The following TENM2 variants were observed in gnomAD, a reference collection of about 807,000 sequenced individuals.
The protein encoded by TENM2 is teneurin-2.
A neutral mutation model predicts 245.2 loss-of-function variants in TENM2; 52 were observed. The ratio of observed to expected loss-of-function variants is 0.21; its 90% CI spans 0.17 to 0.27. The LOEUF (loss-of-function observed/expected upper bound fraction) is 0.27, where lower values mean the gene tolerates loss of function less well. TENM2 is among the 10% of genes least tolerant of loss of function. TENM2 has a pLI of 1.00. For synonymous variants in TENM2, 1,363 were observed against 1,438.9 expected, an observed-to-expected ratio of 0.95 and a Z score of 1.19; for missense variants, 3,046 against 3,666.8, an observed-to-expected ratio of 0.83 and a Z score of 4.37.
chr5:167,407,332 CA>C (rs1380995474), intron 2 of TENM2, among the ~76,000 whole-genome samples: 2 of 152,078 alleles, frequency 1.3e-5, no homozygotes, highest in African/African-American at 4.8e-5. Context: ...GCATCTTTAG[CA>C]AACTAGAACA....
chr5:167,281,233 G>A (rs879736646), upstream of TENM2, among the ~76,000 whole-genome samples: 2 of 150,202 alleles, frequency 1.3e-5, no homozygotes, highest in Non-Finnish European at 3.0e-5. Context: ...TCAGCATCTT[G>A]AGTAGCTGGG....
chr5:167,384,539 A>T (rs1378167245), intron 2 of TENM2, among the ~76,000 whole-genome samples: 1 of 152,174 alleles, frequency 6.6e-6, no homozygotes, highest in Non-Finnish European at 1.5e-5. Flanking sequence ...AGATGAATAG[A>T]TGTGTAGCAA....
At chr5:167,437,476 T>C (rs1764630421) in intron 2 of TENM2, among the ~76,000 whole-genome samples, 2 of 152,150 alleles carry the variant, frequency 1.3e-5, no homozygotes, top group African/African-American at 4.8e-5. Context: ...AGATGAGACT[T>C]TGGACTTGTG....
At position 167,332,209 on chromosome 5, in the gene TENM2, T is replaced by C. The variant is rs143430928; in HGVS notation, c.227-42989T>C. ...GTCCAAAGTGTTGGGGCATTCACTTTCGTGGCCTCGGCAGTACCGTTTGTC... is the reference window on the plus strand; with the variant it reads ...GTCCAAAGTGTTGGGGCATTCACTTCCGTGGCCTCGGCAGTACCGTTTGTC... On this transcript the variant is annotated intron_variant, in intron 1 of 28. Transcript: ENST00000518659. 2.4e-4 allele frequency among the ~76,000 whole-genome samples: 37 copies of C among 152,352 alleles called. No homozygotes were observed. In the East Asian group the frequency reaches 7.1e-3, roughly 29 times the overall value.
intron 2 of TENM2, among the ~76,000 whole-genome samples, chr5:167,398,621 G>A (rs531906594): frequency 1.3e-5 from 2 of 152,044 alleles, no homozygotes; most frequent in African/African-American, 4.8e-5. Flanking sequence ...GGTATTTTTA[G>A]TAGAGATAGG....
intron 5 of TENM2, among the ~76,000 whole-genome samples, chr5:168,035,696 G>A (rs895761696): frequency 2.6e-5 from 4 of 152,110 alleles, no homozygotes; most frequent in Non-Finnish European, 2.9e-5. Flanking sequence ...TGAGGGCACC[G>A]ATTCAAAGGC....
chr5:166,994,871 A>G, the TENM2 span, among the ~76,000 whole-genome samples: 1 of 152,172 alleles, frequency 6.6e-6, no homozygotes, highest in East Asian at 1.9e-4. Flanking sequence ...CTCATGTCAG[A>G]TCAAGCACTA....
At chr5:167,445,311 TTA>T (rs755614167) in intron 2 of TENM2, among the ~76,000 whole-genome samples, 6,003 of 69,600 alleles carry the variant, frequency 0.086, 279 homozygotes, top group Non-Finnish European at 0.1. Flanking sequence ...AACCATATGA[TTA>T]TATATATATA....
Position 167,363,693 on chromosome 5 carries a change from T to C in TENM2, c.227-11505T>C, listed in dbSNP as rs571207181. On this transcript the variant is annotated intron_variant, in intron 1 of 28. Transcript: ENST00000518659. ...TTGCAGTGAGACGAGATTGGGCCATTGTACTCCAGCCTGGGCAACCAAGCG... is the reference window on the plus strand; with the variant it reads ...TTGCAGTGAGACGAGATTGGGCCATCGTACTCCAGCCTGGGCAACCAAGCG... Among the ~76,000 whole-genome samples, 20 of 128,540 alleles carry C rather than the reference T, an allele frequency of 1.6e-4. No individual in the cohort carries two copies. The East Asian group carries it at 4.5e-3, about 29-fold the overall frequency. 84.3% of individuals were successfully genotyped at this position (128,540 alleles called of 152,430 possible). A position where few individuals can be genotyped will look rare whatever the true frequency, so the allele number is the denominator to read the frequency against.
In TENM2 at chr5:168,026,722, C is replaced by G. The variant is rs76493231; in HGVS notation, c.1187-20705C>G. 2.5e-3 allele frequency among the ~76,000 whole-genome samples: 384 copies of G among 152,218 alleles called. 1 individual carries two copies. The highest frequency in any genetic ancestry group is 9.0e-3 in the African/African-American group (372 of 41,508). ...ATGGATACAATAATAGCACTTATCTCATAGGGGAGGTTATAAAGACTAAAC... is the reference window on the plus strand; with the variant it reads ...ATGGATACAATAATAGCACTTATCTGATAGGGGAGGTTATAAAGACTAAAC... On this transcript the variant is annotated intron_variant, in intron 5 of 28. Coordinates refer to ENST00000518659, the Ensembl canonical transcript of TENM2.
At chr5:168,210,043 C>T (rs1028737705) in intron 19 of TENM2, among the ~76,000 whole-genome samples, 1 of 152,114 alleles carries the variant, frequency 6.6e-6, no homozygotes, top group African/African-American at 2.4e-5. Context: ...AAAGGGCTCA[C>T]CTAAAGAGTC....
At chr5:167,109,824 C>T in the TENM2 span, among the ~76,000 whole-genome samples, 1 of 152,328 alleles carries the variant, frequency 6.6e-6, no homozygotes, top group Non-Finnish European at 1.5e-5. Context: ...AACTATTATG[C>T]TCCCCATCCC....
chr5:167,707,800 G>C (rs1488630009), intron 2 of TENM2, among the ~76,000 whole-genome samples: 4 of 152,120 alleles, frequency 2.6e-5, no homozygotes, highest in Non-Finnish European at 5.9e-5. Flanking sequence ...TCTGAAATCT[G>C]TACTGTCTCT....
At chr5:167,151,107 G>A in the TENM2 span, among the ~76,000 whole-genome samples, 3 of 152,086 alleles carry the variant, frequency 2.0e-5, no homozygotes, top group Non-Finnish European at 4.4e-5. Flanking sequence ...TCCTCCAGTC[G>A]AGATTATTAA....
the TENM2 span, among the ~76,000 whole-genome samples, chr5:167,226,684 T>A: frequency 6.6e-6 from 1 of 152,090 alleles, no homozygotes; most frequent in African/African-American, 2.4e-5. Context: ...TCTATAAATG[T>A]CTGTTAGGTT....
chr5:167,655,596 T>G (rs1051654791), intron 2 of TENM2, among the ~76,000 whole-genome samples: 1 of 152,224 alleles, frequency 6.6e-6, no homozygotes, highest in Non-Finnish European at 1.5e-5. Flanking sequence ...GACACTTTGC[T>G]GTATCAGTCA....
the TENM2 span, among the ~76,000 whole-genome samples, chr5:167,106,677 A>C: frequency 2.7e-5 from 4 of 150,302 alleles, no homozygotes; most frequent in East Asian, 8.2e-4. Flanking sequence ...AGTCCTAGGC[A>C]GGGTGCACTT....
At chr5:168,226,991 T>C (rs533567936) in intron 24 of TENM2, among the ~76,000 whole-genome samples, 1 of 152,310 alleles carries the variant, frequency 6.6e-6, no homozygotes, top group African/African-American at 2.4e-5. Flanking sequence ...TCAATGACTC[T>C]ATTTCTGCTC....
chr5:167,354,784 T>C (rs1183988579), intron 1 of TENM2, among the ~76,000 whole-genome samples: 2 of 152,244 alleles, frequency 1.3e-5, no homozygotes, highest in Admixed American at 6.5e-5. Context: ...TGTTTATAAG[T>C]CTGACACATA....
Sources: gnomAD v4.1 joint callset for allele counts (sites outside exome capture counted in the v4.1 genomes callset) on GRCh38, gnomAD v4.1.1 for gene constraint, MANE v1.5 for transcripts, NCBI Gene and HGNC (gene_info 2026-07-23, HGNC 2026-07-21) for gene names.